Variants in AFF3 observed in about 807,000 individuals in gnomAD.
AFF3 encodes ALF transcription elongation factor 3, also known as AF4/FMR2 family member 3.
Under a neutral mutation model 129.7 loss-of-function variants are expected in AFF3, and 32 were observed. The observed-to-expected ratio is 0.25, with a 90% CI of 0.19 to 0.33. The LOEUF is 0.33. Ranked by LOEUF, AFF3 falls within the 10% of genes least tolerant of loss-of-function variation. AFF3 has a pLI of 1.00. For missense variants in AFF3, 1,373 were observed against 1,592.0 expected (o/e 0.86, Z 2.34); for synonymous variants, 644 against 635.4 (o/e 1.01, Z -0.20).
intron 4 of AFF3, among the ~76,000 whole-genome samples, chr2:100,082,721 T>C (rs1424003274): frequency 6.6e-6 from 1 of 152,172 alleles, no homozygotes; most frequent in Non-Finnish European, 1.5e-5. Context: ...AGTAGTGACC[T>C]AGACAACTCA....
intron 13 of AFF3, among the ~76,000 whole-genome samples, chr2:99,608,857 A>G (rs1435279328): frequency 6.6e-6 from 1 of 152,250 alleles, no homozygotes; most frequent in Non-Finnish European, 1.5e-5. Context: ...TATTTTAGCA[A>G]TGAAACACAT....
intron 7 of AFF3, among the ~76,000 whole-genome samples, chr2:99,880,052 T>G (rs1166425765): frequency 1.3e-5 from 2 of 152,204 alleles, no homozygotes; most frequent in Non-Finnish European, 2.9e-5. Flanking sequence ...GAATATCGAT[T>G]TGAAGTATTA....
At chr2:99,958,566 T>G (rs1400527772) in intron 7 of AFF3, among the ~76,000 whole-genome samples, 3 of 151,622 alleles carry the variant, frequency 2.0e-5, no homozygotes, top group African/African-American at 7.3e-5. Flanking sequence ...GACGATCCTA[T>G]GCTAAGCACC....
intron 7 of AFF3, among the ~76,000 whole-genome samples, chr2:99,996,504 G>A (rs953374132): frequency 6.6e-6 from 1 of 150,500 alleles, no homozygotes; most frequent in African/African-American, 2.4e-5. Context: ...GGGACTACAG[G>A]CACCTGCCAC....
Position 99,578,193 on chromosome 2 carries a change from AT to A in AFF3, c.2918+133del, listed in dbSNP as rs1187852140. ...AATTCCATTCAAGAGGGACATTTAA[AT>A]GACCAAGTCCCAGGGGAAAAAAAGG... On this transcript the variant is annotated intron_variant, in intron 18 of 24. Transcript: ENST00000672756. The A allele has an allele frequency of 2.3e-6, 3 of 1,294,216 alleles. No individual in the cohort carries two copies. The African/African-American group carries it at 4.6e-5, about 20-fold the overall frequency. 80.2% of individuals were successfully genotyped at this position (1,294,216 alleles called of 1,614,324 possible).
rs371450069 is a variant in AFF3 at position 99,695,672 on chromosome 2, C to A, written c.1092-23083G>T. ...TATAAATGAACATGTTCAGTTCCAA[C>A]AACCTTAATAAGCAGAAGATTTCTC... is the stretch of plus-strand genomic sequence containing the variant. On this transcript the variant is annotated intron_variant, in intron 11 of 24. Coordinates refer to ENST00000672756, the MANE Select transcript of AFF3 (RefSeq NM_001386135.1). Among the ~76,000 whole-genome samples the A allele has an allele frequency of 5.1e-3, 779 of 152,224 alleles. 7 individuals carry two copies. The highest frequency in any genetic ancestry group is 0.017 in the African/African-American group (716 of 41,540).
At chr2:99,795,265 C>G (rs1264468156) in intron 8 of AFF3, among the ~76,000 whole-genome samples, 2 of 152,076 alleles carry the variant, frequency 1.3e-5, no homozygotes, top group African/African-American at 4.8e-5. Flanking sequence ...GCACTGGAGG[C>G]CATTATCTTA....
intron 7 of AFF3, among the ~76,000 whole-genome samples, chr2:99,869,083 C>A (rs923021437): frequency 3.3e-5 from 5 of 152,092 alleles, no homozygotes; most frequent in Non-Finnish European, 7.4e-5. Context: ...AGGTGTGAGC[C>A]ACCGTGCCCA....
chr2:99,659,935 T>C (rs1401502637), intron 12 of AFF3, among the ~76,000 whole-genome samples: 2 of 152,182 alleles, frequency 1.3e-5, no homozygotes, highest in African/African-American at 4.8e-5. Flanking sequence ...CCTGCTCATC[T>C]GGGCTTTGGT....
At chr2:99,996,623 G>T (rs1453823857) in intron 7 of AFF3, among the ~76,000 whole-genome samples, 1 of 146,882 alleles carries the variant, frequency 6.8e-6, no homozygotes, top group Non-Finnish European at 1.5e-5. Flanking sequence ...CTTGTGATCC[G>T]CCCGCCTCAG....
intron 11 of AFF3, among the ~76,000 whole-genome samples, chr2:99,725,108 T>C (rs1013839835): frequency 4.0e-4 from 61 of 151,886 alleles, no homozygotes; most frequent in African/African-American, 1.4e-3. Context: ...GTAGCTGAGA[T>C]TACAGGCACG....
chr2:99,593,132 C>T (rs1255700278), intron 15 of AFF3, 63 bp downstream of exon 15: 1 of 1,509,386 alleles, frequency 6.6e-7, no homozygotes, highest in Non-Finnish European at 8.8e-7. Flanking sequence ...TCCAAGTACC[C>T]ACAAGTTAAG....
At chr2:99,626,469 C>CCT (rs1682584392) in intron 13 of AFF3, among the ~76,000 whole-genome samples, 1 of 62,906 alleles carries the variant, frequency 1.6e-5, no homozygotes, top group Non-Finnish European at 4.3e-5. Context: ...TCCTTCCTCC[C>CCT]TCCCTCCCTC....
intron 13 of AFF3, among the ~76,000 whole-genome samples, chr2:99,615,271 G>C (rs576710384): frequency 2.0e-5 from 3 of 152,210 alleles, no homozygotes; most frequent in Non-Finnish European, 4.4e-5. Flanking sequence ...GCTGTAAAAG[G>C]CTTCTCTGAA....
At chr2:99,984,301 A>C (rs1304001011) in intron 7 of AFF3, among the ~76,000 whole-genome samples, 1 of 152,246 alleles carries the variant, frequency 6.6e-6, no homozygotes, top group African/African-American at 2.4e-5. Context: ...ACAGGAAAGG[A>C]ATCTATGAGC....
intron 1 of AFF3, among the ~76,000 whole-genome samples, chr2:100,141,978 A>G (rs1435163146): frequency 6.6e-6 from 1 of 152,176 alleles, no homozygotes; most frequent in African/African-American, 2.4e-5. Flanking sequence ...TTTCTGCAGA[A>G]GTGACGGTGG....
At chr2:100,095,433 C>T (rs1486389918) in intron 4 of AFF3, among the ~76,000 whole-genome samples, 1 of 152,210 alleles carries the variant, frequency 6.6e-6, no homozygotes, top group African/African-American at 2.4e-5. Context: ...GGCAGTATCA[C>T]GGCTACCAGG....
chr2:100,005,414 A>G (rs1681877892), intron 7 of AFF3, among the ~76,000 whole-genome samples: 1 of 152,216 alleles, frequency 6.6e-6, no homozygotes, highest in African/African-American at 2.4e-5. Flanking sequence ...AAAGTCAGTC[A>G]CCACTGCTCA....
chr2:99,838,242 G>A (rs1186428039), intron 7 of AFF3, among the ~76,000 whole-genome samples: 1 of 152,096 alleles, frequency 6.6e-6, no homozygotes, highest in Non-Finnish European at 1.5e-5. Context: ...GTGGGTTTGT[G>A]GGGACACAGA....
Sources: gnomAD v4.1 joint callset for allele counts (sites outside exome capture counted in the v4.1 genomes callset) on GRCh38, gnomAD v4.1.1 for gene constraint, MANE v1.5 for transcripts, NCBI Gene and HGNC (gene_info 2026-07-23, HGNC 2026-07-21) for gene names.